The following ETV6 variants were observed in gnomAD, a reference collection of about 807,000 sequenced individuals.
The protein encoded by ETV6 is ETS variant transcription factor 6.
Under a neutral mutation model 51.1 loss-of-function variants are expected in ETV6, and 16 were observed. The observed-to-expected ratio is 0.31, with a 90% CI of 0.21 to 0.48. The LOEUF (loss-of-function observed/expected upper bound fraction) is 0.48, where lower values mean the gene tolerates loss of function less well. Among genes scored for constraint, ETV6 ranks in the 20% least tolerant of loss-of-function variants. The probability of loss-of-function intolerance (pLI) is 0.99; values close to 1 mark genes in which losing one functional copy is unlikely to be tolerated. For missense variants in ETV6, 458 were observed against 594.8 expected, an observed-to-expected ratio of 0.77 and a Z score of 2.39; for synonymous variants, 240 against 224.1, an observed-to-expected ratio of 1.07 and a Z score of -0.64.
At chr12:11,840,634 G>T (rs1565546753) in intron 3 of ETV6, 1 of 391,518 alleles carries the variant, frequency 2.6e-6, no homozygotes. Flanking sequence ...CCCAGCACCC[G>T]TATCTCCACT....
intron 4 of ETV6, among the ~76,000 whole-genome samples, chr12:11,863,183 T>C (rs1264533432): frequency 6.6e-6 from 1 of 152,214 alleles, no homozygotes; most frequent in Non-Finnish European, 1.5e-5. Flanking sequence ...TTTTGTCTGT[T>C]TGTTTAGGTT....
At chr12:11,793,594 G>A (rs1591677966) in intron 2 of ETV6, among the ~76,000 whole-genome samples, 1 of 152,192 alleles carries the variant, frequency 6.6e-6, no homozygotes, top group Admixed American at 6.5e-5. Flanking sequence ...ATGAACAGTG[G>A]CTACCACTAT....
chr12:11,882,911 T>C (rs372789797), intron 5 of ETV6, among the ~76,000 whole-genome samples: 1 of 152,190 alleles, frequency 6.6e-6, no homozygotes, highest in Non-Finnish European at 1.5e-5. Context: ...AGAAAGAACA[T>C]TGTAGTGCAG....
chr12:11,885,860 C>T, intron 6 of ETV6, 66 bp from the exon 7 acceptor site: 1 of 1,248,568 alleles, frequency 8.0e-7, no homozygotes, highest in Non-Finnish European at 1.2e-6. Context: ...CCCGCAGTGC[C>T]TTTTCTGAGG....
chr12:11,892,119 C>G lies in ETV6; in HGVS notation c.*1073C>G, dbSNP rs1947299196. 8.6e-6 allele frequency: 2 copies of G among 231,790 alleles called. No individual in the cohort carries two copies. The highest frequency in any genetic ancestry group is 2.2e-5 in the African/African-American group (1 of 45,006). 14.4% of individuals were successfully genotyped at this position (231,790 alleles called of 1,614,324 possible). A position where few individuals can be genotyped will look rare whatever the true frequency, so the allele number is the denominator to read the frequency against. The stretch of plus-strand genomic sequence containing the variant: ...ATTCTGCAGTGGGGATTTATTTTTC[C>G]AAAGCAGGTAACAGAGGCTAGTGAG... On this transcript the variant is annotated 3_prime_UTR_variant, in exon 8 of 8. Coordinates refer to ENST00000396373, the MANE Select transcript of ETV6 (RefSeq NM_001987.5).
intron 2 of ETV6, among the ~76,000 whole-genome samples, chr12:11,823,918 T>C (rs1166780588): frequency 1.3e-5 from 2 of 152,240 alleles, no homozygotes; most frequent in South Asian, 4.1e-4. Flanking sequence ...TTGTTGTCTC[T>C]GTTTCTAGAG....
intron 1 of ETV6, chr12:11,751,387 A>G (rs1159598633): frequency 3.9e-6 from 2 of 518,734 alleles, no homozygotes; most frequent in South Asian, 1.4e-5. Flanking sequence ...CCTTTCCACC[A>G]TATTTTTGGA....
At chr12:11,890,688 G>C (rs959470194) in intron 7 of ETV6, among the ~76,000 whole-genome samples, 1 of 151,794 alleles carries the variant, frequency 6.6e-6, no homozygotes, top group Non-Finnish European at 1.5e-5. Context: ...GCCTCCCAAA[G>C]CACTAGGATT....
intron 2 of ETV6, among the ~76,000 whole-genome samples, chr12:11,805,119 T>C (rs1168256530): frequency 6.6e-6 from 1 of 152,162 alleles, no homozygotes; most frequent in Non-Finnish European, 1.5e-5. Flanking sequence ...AATACAGCCA[T>C]GCCACAGATG....
intron 2 of ETV6, among the ~76,000 whole-genome samples, chr12:11,798,002 T>G (rs781594295): frequency 1.3e-5 from 2 of 152,212 alleles, no homozygotes; most frequent in Non-Finnish European, 2.9e-5. Flanking sequence ...CCTTTGTTTT[T>G]TATTACCATA....
chr12:11,823,601 G>A (rs1946113159), intron 2 of ETV6, among the ~76,000 whole-genome samples: 1 of 151,866 alleles, frequency 6.6e-6, no homozygotes, highest in Non-Finnish European at 1.5e-5. Flanking sequence ...CAAGTAACTG[G>A]GATGACAGGC....
chr12:11,786,681 A>C (rs1945491236), intron 2 of ETV6, among the ~76,000 whole-genome samples: 1 of 152,192 alleles, frequency 6.6e-6, no homozygotes, highest in African/African-American at 2.4e-5. Context: ...GATGCCATGG[A>C]GAGTATTGGG....
intron 1 of ETV6, among the ~76,000 whole-genome samples, chr12:11,660,598 C>CAAA (rs3983865): frequency 0.04 from 4,277 of 105,960 alleles, 206 homozygotes; most frequent in East Asian, 0.1. Flanking sequence ...GACTCTGTCT[C>CAAA]AAAAAAAAAA....
chr12:11,884,617 A>C, intron 6 of ETV6, 30 bp downstream of exon 6: 1 of 1,612,162 alleles, frequency 6.2e-7, no homozygotes, highest in Non-Finnish European at 8.5e-7. Flanking sequence ...CTGCTCCATA[A>C]ACTAGTGCCA....
chr12:11,705,635 T>C (rs970428876), intron 1 of ETV6, among the ~76,000 whole-genome samples: 3 of 152,180 alleles, frequency 2.0e-5, no homozygotes, highest in African/African-American at 7.2e-5. Context: ...CATTAACATA[T>C]TAACAAAAGG....
intron 1 of ETV6, among the ~76,000 whole-genome samples, chr12:11,736,037 T>G (rs55658372): frequency 0.1 from 15,468 of 152,266 alleles, 1,991 homozygotes; most frequent in African/African-American, 0.3. Flanking sequence ...TGTCACATAG[T>G]AGTTGACAAT....
At position 11,850,318 on chromosome 12, in the gene ETV6, G is replaced by A. The variant is rs551764075; in HGVS notation, c.329-3109G>A. On this transcript the variant is annotated intron_variant, in intron 3 of 7. Transcript: ENST00000396373. ...GCCTGGGAGGTGTGCGGCAGACCAC[G>A]TGTCAGACCCCCAGAGGCTTAGCCC... Among the ~76,000 whole-genome samples the A allele has an allele frequency of 2.6e-5, 4 of 152,232 alleles. No homozygotes were observed. In the East Asian group the frequency reaches 7.7e-4, roughly 29 times the overall value.
At chr12:11,875,928 T>TAA (rs1946975533) in intron 5 of ETV6, among the ~76,000 whole-genome samples, 1 of 152,192 alleles carries the variant, frequency 6.6e-6, no homozygotes, top group African/African-American at 2.4e-5. Flanking sequence ...CAGCAACACC[T>TAA]AAAACATTTA....
intron 5 of ETV6, among the ~76,000 whole-genome samples, chr12:11,870,782 A>G (rs1412901053): frequency 5.9e-5 from 9 of 152,236 alleles, no homozygotes; most frequent in Non-Finnish European, 1.5e-5. Flanking sequence ...CAAGGAATTT[A>G]GAATATAGTG....
Sources: allele counts gnomAD v4.1 joint callset (sites outside exome capture counted in the v4.1 genomes callset), GRCh38; gene constraint gnomAD v4.1.1; transcripts MANE v1.5; gene names NCBI Gene and HGNC (gene_info 2026-07-23, HGNC 2026-07-21).